ADGRG1: variants seen among roughly 807,000 people sequenced by gnomAD.
The protein encoded by ADGRG1 is adhesion G protein-coupled receptor G1.
A neutral mutation model predicts 73.5 loss-of-function variants in ADGRG1; 53 were observed. That is an observed-to-expected ratio of 0.72 (90% CI 0.58 to 0.91). The LOEUF is 0.91. Among genes scored for constraint, ADGRG1 ranks in the 40% least tolerant of loss-of-function variants. ADGRG1 has a pLI of 0.00. For synonymous variants in ADGRG1, 394 were observed against 374.4 expected (o/e 1.05, Z -0.60); for missense variants, 795 against 871.8 (o/e 0.91, Z 1.11).
Position 57,655,461 on chromosome 16 carries a change from G to C in ADGRG1, c.831G>C (p.Thr277=). 1 of 1,613,836 alleles carries C rather than the reference G, an allele frequency of 6.2e-7. No homozygotes were observed. The highest frequency in any genetic ancestry group is 8.5e-7 in the Non-Finnish European group (1 of 1,180,008). Residue 277 remains threonine, a synonymous_variant, in exon 6 of 14, where the codon ACG becomes ACC. Transcript: ENST00000562631. ...VLLPRTLFQR[T]KGRSGEAEKR... is the part of the protein sequence containing the mutation. ...TGCCTCGAACACTCTTCCAGAGGAC[G>C]AAAGGCCGGAGCGGGGAGGCTGAGA...
chr16:57,660,030 C>T (rs1275495510), intron 11 of ADGRG1, among the ~76,000 whole-genome samples: 1 of 152,194 alleles, frequency 6.6e-6, no homozygotes, highest in African/African-American at 2.4e-5. Flanking sequence ...TCATTTAATT[C>T]ACTCGGGCTG....
chr16:57,643,632 T>C (rs2041429954), intron 1 of ADGRG1: 1 of 984,636 alleles, frequency 1.0e-6, no homozygotes, highest in Admixed American at 6.1e-5. Context: ...GGGCCAGGCC[T>C]GGGCACCTGC....
At chr16:57,638,824 C>G (rs905987176) in intron 1 of ADGRG1, among the ~76,000 whole-genome samples, 1 of 152,116 alleles carries the variant, frequency 6.6e-6, no homozygotes, top group Non-Finnish European at 1.5e-5. Flanking sequence ...GTAATCCCAG[C>G]ACTTTGGGAG....
At chr16:57,658,958 T>TG (rs1299302623) in intron 10 of ADGRG1, 1 of 984,052 alleles carries the variant, frequency 1.0e-6, no homozygotes, top group Non-Finnish European at 1.2e-6. Flanking sequence ...GGGGGTGGGG[T>TG]GGGGTGTGCA....
Position 57,659,548 on chromosome 16 carries a change from C to T in ADGRG1, c.1422C>T (p.Ile474=), listed in dbSNP as rs1244520168. The part of the protein sequence containing the change: ...GSEAGCRASA[I]FLHFSLLTCL... ...AGGCTGGCTGCCGAGCCAGTGCCAT[C>T]TTCCTGCACTTCTCCCTGCTCACCT... Residue 474 remains isoleucine, a synonymous_variant, in exon 11 of 14, where the codon ATC becomes ATT. Transcript: ENST00000562631. 10 of 1,614,176 alleles carry T rather than the reference C, an allele frequency of 6.2e-6. No individual in the cohort carries two copies. Among genetic ancestry groups the T allele is most frequent in the Non-Finnish European group, 8.5e-6 (10 of 1,180,012 alleles).
intron 1 of ADGRG1, chr16:57,642,443 G>A: frequency 1.0e-6 from 1 of 985,342 alleles, no homozygotes; most frequent in Non-Finnish European, 1.2e-6. Context: ...GGCTGGAGGT[G>A]CTGGCAGGCT....
Position 57,660,735 on chromosome 16 carries a change from G to A in ADGRG1, c.1556-33G>A, listed in dbSNP as rs369795190. 2.6e-4 allele frequency: 385 copies of A among 1,508,722 alleles called. 1 individual carries two copies. Among genetic ancestry groups the A allele is most frequent in the African/African-American group, 8.5e-4 (62 of 73,048 alleles). The allele number at this position is 1,508,722 out of a possible 1,614,324, so 93.5% of individuals were successfully genotyped here. ...AGGGAATGGGCAGGCCTCAGAGAGC[G>A]GGAAGTAGAGCAACATGCATTGCCA... On this transcript the variant is annotated intron_variant, in intron 11 of 13. Coordinates refer to ENST00000562631, the MANE Select transcript of ADGRG1 (RefSeq NM_201525.4).
At chr16:57,630,882 G>A in intron 1 of ADGRG1, 2 of 863,482 alleles carry the variant, frequency 2.3e-6, no homozygotes, top group Non-Finnish European at 2.8e-6. Flanking sequence ...TACAAGCTGG[G>A]GACCACGGGG....
Position 57,663,783 on chromosome 16 carries a change from C to G in ADGRG1, c.*201C>G. 1.6e-6 allele frequency: 1 copy of G among 630,392 alleles called. No individual in the cohort carries two copies. The highest frequency in any genetic ancestry group is 2.8e-6 in the Non-Finnish European group (1 of 355,578). 39.0% of individuals were successfully genotyped at this position (630,392 alleles called of 1,614,324 possible). Reference sequence around the variant, plus strand: ...AATTGGCCTTGGGGACTACTCGGCTCTCACTCAGCTCCCACGGGACTCAGA... The same window carrying G: ...AATTGGCCTTGGGGACTACTCGGCTGTCACTCAGCTCCCACGGGACTCAGA... On this transcript the variant is annotated 3_prime_UTR_variant, in exon 14 of 14. Transcript: ENST00000562631.
rs114515505 is a variant in ADGRG1 at position 57,654,006 on chromosome 16, C to T, written c.641C>T (p.Ser214Leu). 6.1e-4 allele frequency: 983 copies of T among 1,614,066 alleles called. 10 individuals are homozygous for T. The African/African-American group carries it at 0.012, about 20-fold the overall frequency. ...GCCAGGCAGTTGCAGAGCCTGGAGT[C>T]GAAACTGACCTCTGTGAGATTCATG... is the stretch of plus-strand genomic sequence containing the variant. ...PASQQLQSLESKLTSVRFMGD... is the reference protein window; with the variant it reads ...PASQQLQSLELKLTSVRFMGD... Residue 214 changes from serine (S) to leucine (L), a missense_variant, in exon 5 of 14, where the codon TCG (serine) becomes TTG (leucine). Ser to Leu is a moderately radical substitution (Grantham distance 145). Transcript: ENST00000562631.
chr16:57,654,417 C>A (rs542222300), intron 5 of ADGRG1, among the ~76,000 whole-genome samples: 3 of 135,444 alleles, frequency 2.2e-5, no homozygotes, highest in East Asian at 5.3e-4. Flanking sequence ...GCACCCCCCC[C>A]CCCCGTTTTT....
intron 3 of ADGRG1, chr16:57,652,715 C>T (rs1012785373): frequency 2.0e-6 from 2 of 1,010,042 alleles, no homozygotes; most frequent in Admixed American, 5.3e-5. Flanking sequence ...CCCTCCAACC[C>T]CCACTGTTTG....
rs746717663 is a variant in ADGRG1 at position 57,661,730 on chromosome 16, C to T, written c.1698C>T (p.Ile566=). 1.2e-6 allele frequency: 2 copies of T among 1,614,128 alleles called. No individual in the cohort carries two copies. Among genetic ancestry groups the T allele is most frequent in the Middle Eastern group, 1.7e-4 (1 of 6,060 alleles). The part of the protein sequence containing the change: ...CWIRDSLVSY[I]TNLGLFSLVF... Reference sequence around the variant, plus strand: ...TCCGGGACTCCCTGGTCAGCTACATCACCAACCTGGGCCTCTTCAGCCTGG... The same window carrying T: ...TCCGGGACTCCCTGGTCAGCTACATTACCAACCTGGGCCTCTTCAGCCTGG... Residue 566 remains isoleucine, a synonymous_variant, in exon 13 of 14, where the codon ATC becomes ATT. Transcript: ENST00000562631.
chr16:57,653,048 G>C lies in ADGRG1; in HGVS notation c.488-155G>C, dbSNP rs923436870. On this transcript the variant is annotated intron_variant, in intron 3 of 13. Transcript: ENST00000562631. Reference sequence around the variant, plus strand: ...GGTTGGCCTCATCTGAGTGGCCTTGGCAGAGTCCACTCTGCTTCTTGAAGC... The same window carrying C: ...GGTTGGCCTCATCTGAGTGGCCTTGCCAGAGTCCACTCTGCTTCTTGAAGC... 30 of 1,523,662 alleles carry C rather than the reference G, an allele frequency of 2.0e-5. 1 individual carries two copies. The African/African-American group carries it at 3.4e-4, about 17-fold the overall frequency. 94.4% of individuals were successfully genotyped at this position (1,523,662 alleles called of 1,614,324 possible).
At chr16:57,643,449 C>G (rs1310408950) in intron 1 of ADGRG1, 1 of 502,748 alleles carries the variant, frequency 2.0e-6, no homozygotes, top group African/African-American at 2.1e-5. Context: ...CAACTTCTCC[C>G]CTTTGTCACT....
chr16:57,648,849 GTT>G (rs1159228727), intron 1 of ADGRG1: 1 of 288,674 alleles, frequency 3.5e-6, no homozygotes, highest in South Asian at 1.3e-4. Flanking sequence ...AGGGCCACAG[GTT>G]CCCTGCCAGG....
At chr16:57,641,962 A>G (rs2040953987) in intron 1 of ADGRG1, 1 of 284,296 alleles carries the variant, frequency 3.5e-6, no homozygotes. Flanking sequence ...ATCATAGCTC[A>G]CTGCAGCCTC....
intron 1 of ADGRG1, among the ~76,000 whole-genome samples, chr16:57,645,528 C>A (rs764389576): frequency 2.0e-5 from 3 of 152,198 alleles, no homozygotes; most frequent in Non-Finnish European, 4.4e-5. Context: ...GCCCTGGCCC[C>A]GAGTCCAGGC....
intron 5 of ADGRG1, among the ~76,000 whole-genome samples, chr16:57,654,421 C>CCCCCTT (rs2045034484): frequency 8.8e-6 from 1 of 114,068 alleles, no homozygotes; most frequent in Non-Finnish European, 1.8e-5. Context: ...CCCCCCCCCC[C>CCCCCTT]GTTTTTTTTT....
Sources: allele counts gnomAD v4.1 joint callset (sites outside exome capture counted in the v4.1 genomes callset), GRCh38; gene constraint gnomAD v4.1.1; transcripts MANE v1.5; gene names NCBI Gene and HGNC (gene_info 2026-07-23, HGNC 2026-07-21).